CLCNKA: variants seen among roughly 807,000 people sequenced by gnomAD.
CLCNKA encodes chloride channel protein ClC-Ka.
A neutral mutation model predicts 83.3 loss-of-function variants in CLCNKA; 66 were observed. That is an observed-to-expected ratio of 0.79 (90% CI 0.65 to 0.97). The LOEUF (loss-of-function observed/expected upper bound fraction) is 0.97, where lower values mean the gene tolerates loss of function less well. Among genes scored for constraint, CLCNKA ranks in the 50% least tolerant of loss-of-function variants. The pLI, the probability that CLCNKA is intolerant of heterozygous loss-of-function variation, is 0.00. For synonymous variants in CLCNKA, 357 were observed against 370.4 expected (o/e 0.96, Z 0.42); for missense variants, 806 against 888.7 (o/e 0.91, Z 1.18).
intron 15 of CLCNKA, 86 bp from the exon 16 acceptor site, chr1:16,031,624 C>G: frequency 6.3e-7 from 1 of 1,596,180 alleles, no homozygotes; most frequent in Non-Finnish European, 8.6e-7. Flanking sequence ...GTCCCTGGTT[C>G]AAGCAAAGCT....
intron 18 of CLCNKA, 104 bp from the exon 19 acceptor site, chr1:16,033,066 T>C: frequency 1.6e-6 from 2 of 1,229,278 alleles, no homozygotes; most frequent in Non-Finnish European, 2.4e-6. Flanking sequence ...CCCACACATA[T>C]CAGGCCCCGC....
chr1:16,028,852 G>A lies in CLCNKA; in HGVS notation c.1053+7G>A. ...CCACTTCCTAGCTTCTCGGGTAAGG[G>A]GTCCTGAGCGGGGGTGGCAGGAGTG... On this transcript the variant is annotated splice_region_variant and intron_variant, in intron 11 of 19. Coordinates refer to ENST00000331433, the MANE Select transcript of CLCNKA (RefSeq NM_004070.4). 1 of 1,613,892 alleles carries A rather than the reference G, an allele frequency of 6.2e-7. No individual in the cohort carries two copies.
intron 1 of CLCNKA, 56 bp from the exon 2 acceptor site, chr1:16,022,557 C>A: frequency 7.6e-7 from 1 of 1,322,280 alleles, no homozygotes; most frequent in Non-Finnish European, 1.0e-6. Context: ...GGCCCAGAGG[C>A]AGCGCGAGGA....
Position 16,033,548 on chromosome 1 carries a change from T to C in CLCNKA, c.2017-63T>C, listed in dbSNP as rs919174294. On this transcript the variant is annotated intron_variant, in intron 19 of 19. Coordinates refer to ENST00000331433, the MANE Select transcript of CLCNKA (RefSeq NM_004070.4). ...ATGAACCTTAGGGGACTAAAAATGC[T>C]GGAGCCCCCCTCACAACCTCCTCTA... 9 of 1,121,832 alleles carry C rather than the reference T, an allele frequency of 8.0e-6. No individual in the cohort carries two copies. In the Admixed American group the frequency reaches 1.4e-4, roughly 18 times the overall value. 69.5% of individuals were successfully genotyped at this position (1,121,832 alleles called of 1,614,324 possible). A position where few individuals can be genotyped will look rare whatever the true frequency, so the allele number is the denominator to read the frequency against.
intron 15 of CLCNKA, among the ~76,000 whole-genome samples, chr1:16,031,152 G>T (rs139454594): frequency 6.6e-6 from 1 of 152,196 alleles, no homozygotes; most frequent in Admixed American, 6.5e-5. Flanking sequence ...CAGAAAAGCA[G>T]ACCAAAGAGG....
At chr1:16,027,664 C>A (rs1394136865) in intron 8 of CLCNKA, among the ~76,000 whole-genome samples, 157 bp from the exon 9 acceptor site, 2 of 152,150 alleles carry the variant, frequency 1.3e-5, no homozygotes, top group African/African-American at 2.4e-5. Flanking sequence ...TGAGGCTGGG[C>A]AGGGAGGCAA....
At chr1:16,031,661 G>A in intron 15 of CLCNKA, 49 bp from the exon 16 acceptor site, 1 of 1,613,140 alleles carries the variant, frequency 6.2e-7, no homozygotes, top group East Asian at 2.2e-5. Context: ...GCTGGCCTGG[G>A]TCTGACATCC....
Position 16,029,312 on chromosome 1 carries a change from A to G in CLCNKA, c.1227+13A>G, listed in dbSNP as rs372473717. ...CCTGGTTATGAAGGTGGGCCCCCTGACCCCCAGGTGTGCACAGAGCCAGGA... is the reference window on the plus strand; with the variant it reads ...CCTGGTTATGAAGGTGGGCCCCCTGGCCCCCAGGTGTGCACAGAGCCAGGA... On this transcript the variant is annotated intron_variant, in intron 12 of 19. Transcript: ENST00000331433. The G allele has an allele frequency of 8.7e-4, 1,402 of 1,613,084 alleles. 5 individuals are homozygous for G. The highest frequency in any genetic ancestry group is 8.2e-3 in the African/African-American group (610 of 74,844).
In CLCNKA at chr1:16,030,476, C is replaced by T. The variant is rs375233250; in HGVS notation, c.1424C>T (p.Ser475Leu). ...GCCCCGGCAGGGGCTGCAGCCTTCTCAGGGGCTGTGACCCACACCATCTCC... is the reference window on the plus strand; with the variant it reads ...GCCCCGGCAGGGGCTGCAGCCTTCTTAGGGGCTGTGACCCACACCATCTCC... ...GYALAGAAAF[S>L]GAVTHTISTA... Residue 475 changes from serine to leucine, a missense_variant, in exon 15 of 20, where the codon TCA (serine) becomes TTA (leucine). Physicochemically the swap from Ser to Leu is moderately radical, Grantham distance 145. Transcript: ENST00000331433. 802 of 1,612,794 alleles carry T rather than the reference C, an allele frequency of 5.0e-4. 12 individuals are homozygous for T. The South Asian group carries it at 8.0e-3, about 16-fold the overall frequency.
In CLCNKA at chr1:16,030,060, G is replaced by T; in HGVS notation, c.1393G>T (p.Gly465Trp). 1 of 1,607,548 alleles carries T rather than the reference G, an allele frequency of 6.2e-7. No individual in the cohort carries two copies. Among genetic ancestry groups the T allele is most frequent in the Non-Finnish European group, 8.5e-7 (1 of 1,174,580 alleles). ...GGTTACCAATCCCATCATGCCCGGG[G>T]GGTATGCTCTGGCAGGTGAGTGGGT... The part of the protein sequence containing the change: ...GGVTNPIMPG[G>W]YALAGAAAFS... Residue 465 changes from glycine (G) to tryptophan (W), a missense_variant, in exon 14 of 20, where the codon GGG (glycine) becomes TGG (tryptophan). By Grantham distance (184) the Gly-to-Trp change is radical. Coordinates refer to ENST00000331433, the MANE Select transcript of CLCNKA (RefSeq NM_004070.4).
intron 4 of CLCNKA, 141 bp downstream of exon 4, chr1:16,025,032 C>A: frequency 3.6e-6 from 4 of 1,125,582 alleles, no homozygotes; most frequent in South Asian, 1.3e-5. Flanking sequence ...AGGCACACAG[C>A]AAGAAGGCCA....
At chr1:16,032,170 G>T in intron 16 of CLCNKA, 33 bp from the exon 17 acceptor site, 1 of 1,587,516 alleles carries the variant, frequency 6.3e-7, no homozygotes, top group Non-Finnish European at 8.6e-7. Flanking sequence ...TCTTCATAAT[G>T]CACCTCCCTC....
Position 16,026,774 on chromosome 1 carries a change from C to T in CLCNKA, c.654C>T (p.Ser218=), listed in dbSNP as rs2022370965. ...GVATVFAAPF[S]GVLFSIEVMS... Reference sequence around the variant, plus strand: ...CCACAGTCTTTGCAGCTCCCTTCAGCGGTGAGACCCCCCTCATGCCCCGCC... The same window carrying T: ...CCACAGTCTTTGCAGCTCCCTTCAGTGGTGAGACCCCCCTCATGCCCCGCC... Residue 218 remains serine, a splice_region_variant and synonymous_variant, in exon 7 of 20, where the codon AGC becomes AGT. Coordinates refer to ENST00000331433, the MANE Select transcript of CLCNKA (RefSeq NM_004070.4). The T allele has an allele frequency of 6.2e-6, 10 of 1,604,474 alleles. No individual in the cohort carries two copies. The highest frequency in any genetic ancestry group is 2.2e-5 in the East Asian group (1 of 44,854).
intron 1 of CLCNKA, among the ~76,000 whole-genome samples, 170 bp from the exon 2 acceptor site, chr1:16,022,443 A>C (rs1388382432): frequency 2.0e-5 from 3 of 152,160 alleles, no homozygotes; most frequent in Non-Finnish European, 2.9e-5. Flanking sequence ...ACACACCCTC[A>C]GTGACGGAAC....
chr1:16,026,218 A>T lies in CLCNKA; in HGVS notation c.469A>T (p.Thr157Ser). The change falls in exon 5 of 20, where the codon ACC (threonine) becomes TCC (serine). Residue 157 changes from threonine to serine, a missense_variant. Physicochemically the swap from Thr to Ser is moderately conservative, Grantham distance 58 (BLOSUM62 1). Coordinates refer to ENST00000331433, the MANE Select transcript of CLCNKA (RefSeq NM_004070.4). The part of the protein sequence containing the change: ...KVVGLSCTLA[T>S]GSTLFLGKVG... The stretch of plus-strand genomic sequence containing the variant: ...GGTGGGCCTCTCCTGCACCCTGGCC[A>T]CCGGCAGCACCCTGTTCCTGGGCAA... 6.2e-7 allele frequency: 1 copy of T among 1,613,908 alleles called. No homozygotes were observed.
intron 3 of CLCNKA, among the ~76,000 whole-genome samples, chr1:16,024,157 T>G (rs2022253057): frequency 6.6e-6 from 1 of 152,216 alleles, no homozygotes; most frequent in Non-Finnish European, 1.5e-5. Context: ...CCAAGAGCCC[T>G]TCCTCCTCTG....
At chr1:16,032,981 C>T (rs904995430) in intron 18 of CLCNKA, among the ~76,000 whole-genome samples, 189 bp from the exon 19 acceptor site, 1 of 152,156 alleles carries the variant, frequency 6.6e-6, no homozygotes, top group African/African-American at 2.4e-5. Context: ...CTTGCAGCCC[C>T]GCCCAGACCC....
chr1:16,026,673 G>A, intron 6 of CLCNKA, 24 bp from the exon 7 acceptor site: 8 of 1,613,622 alleles, frequency 5.0e-6, no homozygotes, highest in Non-Finnish European at 6.8e-6. Context: ...GGCTGACTCT[G>A]AGCCCTGGAC....
In CLCNKA at chr1:16,022,628, G is replaced by A. The variant is rs1452077511; in HGVS notation, c.9G>A (p.Glu3=). The change falls in exon 2 of 20, where the codon GAG becomes GAA. Residue 3 remains glutamate (E), a synonymous_variant. Transcript: ENST00000331433. ME[E]LVGLREGFSG... The stretch of plus-strand genomic sequence containing the variant: ...GCTTCTCCAGGGGCCTGATGGAGGA[G>A]TTGGTGGGGCTGCGTGAGGGCTTCT... The A allele has an allele frequency of 1.9e-6, 3 of 1,565,514 alleles. No homozygotes were observed. Among genetic ancestry groups the A allele is most frequent in the Non-Finnish European group, 2.6e-6 (3 of 1,154,512 alleles).
Sources: allele counts gnomAD v4.1 joint callset (sites outside exome capture counted in the v4.1 genomes callset), GRCh38; gene constraint gnomAD v4.1.1; transcripts MANE v1.5; gene names NCBI Gene and HGNC (gene_info 2026-07-23, HGNC 2026-07-21).